SH3BP2: variants seen among roughly 807,000 people sequenced by gnomAD.
SH3BP2 encodes SH3 domain-binding protein 2.
SH3BP2 carries 38 observed loss-of-function variants against 56.2 expected under a neutral mutation model. The ratio of observed to expected loss-of-function variants is 0.68; its 90% confidence interval spans 0.52 to 0.89. SH3BP2 has a LOEUF of 0.89. SH3BP2 is among the 40% of genes least tolerant of loss of function. SH3BP2 has a pLI of 0.00. For missense variants in SH3BP2, 748 were observed against 762.6 expected, an observed-to-expected ratio of 0.98 and a Z score of 0.23; for synonymous variants, 346 against 316.7, an observed-to-expected ratio of 1.09 and a Z score of -0.98.
intron 8 of SH3BP2, 65 bp downstream of exon 8, chr4:2,830,212 G>T: frequency 1.4e-6 from 2 of 1,456,366 alleles, no homozygotes; most frequent in South Asian, 2.5e-5. Flanking sequence ...GGCCTCTGAC[G>T]GGCACTCTGC....
At chr4:2,814,607 C>G (rs1012168254) in intron 1 of SH3BP2, among the ~76,000 whole-genome samples, 1 of 152,220 alleles carries the variant, frequency 6.6e-6, no homozygotes, top group Non-Finnish European at 1.5e-5. Context: ...CTCATGGAGC[C>G]CAGCAGCCAC....
chr4:2,830,702 C>A (rs1184177276), intron 8 of SH3BP2, among the ~76,000 whole-genome samples: 2 of 152,214 alleles, frequency 1.3e-5, no homozygotes, highest in African/African-American at 4.8e-5. Context: ...TGCCAGGAGA[C>A]CAGTTTGTCC....
At chr4:2,828,778 CT>C (rs1724812532) in intron 7 of SH3BP2, among the ~76,000 whole-genome samples, 1 of 152,212 alleles carries the variant, frequency 6.6e-6, no homozygotes, top group African/African-American at 2.4e-5. Context: ...CGCCTGTGGC[CT>C]CCCCATTCCC....
intron 1 of SH3BP2, among the ~76,000 whole-genome samples, chr4:2,815,149 A>G (rs1383518283): frequency 6.6e-6 from 1 of 151,952 alleles, no homozygotes; most frequent in Admixed American, 6.5e-5. Flanking sequence ...GCCCATCATC[A>G]CCCTCAGCCT....
rs1577372871 is a variant in SH3BP2 at position 2,833,154 on chromosome 4, C to A, written c.1548+105C>A. ...TAGGCAGCGGGTAGACTGAGACTGG[C>A]ACCTCCAGGATACCGCCCTCCCCTT... On this transcript the variant is annotated intron_variant, in intron 12 of 12. Coordinates refer to ENST00000503393, the MANE Select transcript of SH3BP2 (RefSeq NM_001122681.2). The A allele has an allele frequency of 6.9e-6, 7 of 1,010,304 alleles. No homozygotes were observed. In the East Asian group the frequency reaches 1.7e-4, roughly 24 times the overall value. The allele number at this position is 1,010,304 out of a possible 1,614,324, so 62.6% of individuals were successfully genotyped here.
In SH3BP2 at chr4:2,829,441, A is replaced by G; in HGVS notation, c.587-52A>G. On this transcript the variant is annotated intron_variant, in intron 7 of 12. Transcript: ENST00000503393. The surrounding 1 kb of genome is among the most constrained non-coding windows in gnomAD (Gnocchi z 4.9). ...TGGCTGACCACTGCCAGCAGAGGAT[A>G]GTGTTGGCCCAGTCTCTGTCAGGGT... 1 of 1,586,800 alleles carries G rather than the reference A, an allele frequency of 6.3e-7. No homozygotes were observed. The highest frequency in any genetic ancestry group is 8.7e-7 in the Non-Finnish European group (1 of 1,156,000).
At chr4:2,803,372 G>A (rs112707161) in intron 1 of SH3BP2, among the ~76,000 whole-genome samples, 5 of 152,316 alleles carry the variant, frequency 3.3e-5, no homozygotes, top group East Asian at 1.9e-4. Context: ...GCTGGGATCC[G>A]GGATAAGCAG....
chr4:2,826,510 CTGTG>C (rs1176413392), intron 5 of SH3BP2: 2 of 196,226 alleles, frequency 1.0e-5, no homozygotes, highest in East Asian at 1.6e-4. Flanking sequence ...GCGTGTTGCT[CTGTG>C]TGTGTGTGCA....
intron 1 of SH3BP2, chr4:2,796,739 G>C (rs1170395631): frequency 6.6e-6 from 1 of 152,430 alleles, no homozygotes; most frequent in African/African-American, 2.4e-5. Flanking sequence ...TGGGGCGTAG[G>C]GTGCCTGTCT....
chr4:2,828,186 C>T (rs1011040266), intron 7 of SH3BP2, among the ~76,000 whole-genome samples: 1 of 152,010 alleles, frequency 6.6e-6, no homozygotes, highest in African/African-American at 2.4e-5. Context: ...TCTCTGTCCT[C>T]CTCTGTCGCC....
chr4:2,799,888 G>GTC (rs1723191151), intron 1 of SH3BP2, among the ~76,000 whole-genome samples: 1 of 152,198 alleles, frequency 6.6e-6, no homozygotes, highest in Non-Finnish European at 1.5e-5. Flanking sequence ...AAAAGGGAGA[G>GTC]GGGCTAGAGA....
chr4:2,800,756 C>A (rs547003719), intron 1 of SH3BP2, among the ~76,000 whole-genome samples: 3 of 152,104 alleles, frequency 2.0e-5, no homozygotes, highest in African/African-American at 7.2e-5. Context: ...TGGCCTGGAG[C>A]GCCATCCCCA....
chr4:2,825,202 C>A lies in SH3BP2; in HGVS notation c.428+6C>A. The stretch of plus-strand genomic sequence containing the variant: ...GACCTGCCCTTGGACACCAGGTGAG[C>A]CCGGGCCCAGGGCATACCGGGCAGT... On this transcript the variant is annotated splice_donor_region_variant and intron_variant, in intron 5 of 12. Transcript: ENST00000503393. The A allele has an allele frequency of 6.4e-7, 1 of 1,573,140 alleles. No homozygotes were observed. The highest frequency in any genetic ancestry group is 1.2e-5 in the South Asian group (1 of 85,944).
Position 2,828,434 on chromosome 4 carries a change from C to G in SH3BP2, c.586+760C>G, listed in dbSNP as rs1577365821. Among the ~76,000 whole-genome samples the G allele has an allele frequency of 4.6e-5, 7 of 152,208 alleles. 1 individual carries two copies. In the South Asian group the frequency reaches 1.5e-3, roughly 32 times the overall value. ...CCGGGTCCAGCCCCTCTTCTCCTGCCGCTCCCTCCCTCCTTCCCTCTGGGG... is the reference window on the plus strand; with the variant it reads ...CCGGGTCCAGCCCCTCTTCTCCTGCGGCTCCCTCCCTCCTTCCCTCTGGGG... On this transcript the variant is annotated intron_variant, in intron 7 of 12. Transcript: ENST00000503393.
rs1725141694 is a variant in SH3BP2, at chr4:2,833,952, G to T, written c.*118G>T. 3.2e-6 allele frequency: 4 copies of T among 1,261,836 alleles called. No homozygotes were observed. Among genetic ancestry groups the T allele is most frequent in the Non-Finnish European group, 4.3e-6 (4 of 927,148 alleles). The allele number at this position is 1,261,836 out of a possible 1,614,324, so 78.2% of individuals were successfully genotyped here. A position where few individuals can be genotyped will look rare whatever the true frequency, so the allele number is the denominator to read the frequency against. ...AGGAGCAAGGCTGTGCTTGCCTAGG[G>T]CCTCTGTGATGGACATCTCGTAGGA... On this transcript the variant is annotated 3_prime_UTR_variant, in exon 13 of 13. Coordinates refer to ENST00000503393, the MANE Select transcript of SH3BP2 (RefSeq NM_001122681.2).
intron 1 of SH3BP2, among the ~76,000 whole-genome samples, chr4:2,813,850 G>A (rs778040317): frequency 2.0e-5 from 3 of 152,186 alleles, no homozygotes; most frequent in Non-Finnish European, 4.4e-5. Context: ...AGTGTGGATG[G>A]TGTGAGTGTT....
intron 1 of SH3BP2, among the ~76,000 whole-genome samples, chr4:2,806,453 C>T (rs576687870): frequency 2.0e-5 from 3 of 152,328 alleles, no homozygotes; most frequent in African/African-American, 4.8e-5. Context: ...GGTAGAAACT[C>T]GTCAGTGTTT....
rs556659893 is a variant in SH3BP2, at chr4:2,831,913, C to A, written c.1351-10C>A. The A allele has an allele frequency of 5.5e-5, 89 of 1,612,442 alleles. No individual in the cohort carries two copies. In the South Asian group the frequency reaches 9.6e-4, roughly 17 times the overall value. ...CCGACGTTGGCACTGACACCGTCAG[C>A]CTCTTGCAGGTGCCACTGCCCAACT... On this transcript the variant is annotated splice_polypyrimidine_tract_variant and intron_variant, in intron 9 of 12. Transcript: ENST00000503393. The surrounding 1 kb of genome is among the most constrained non-coding windows in gnomAD (Gnocchi z 4.1).
At chr4:2,821,955 C>T (rs1283117724) in intron 2 of SH3BP2, among the ~76,000 whole-genome samples, 7 of 149,190 alleles carry the variant, frequency 4.7e-5, no homozygotes, top group Non-Finnish European at 1.0e-4. Context: ...GTAACGTCCA[C>T]CTCCTGGGTT....
Sources: gnomAD v4.1 joint callset for allele counts (sites outside exome capture counted in the v4.1 genomes callset) on GRCh38, gnomAD v4.1.1 for gene constraint, Gnocchi (gnomAD v3.1) non-coding constraint, MANE v1.5 for transcripts, NCBI Gene and HGNC (gene_info 2026-07-23, HGNC 2026-07-21) for gene names.